The following DGKB variants were observed in gnomAD, a reference collection of about 807,000 sequenced individuals.
DGKB encodes the protein diacylglycerol kinase beta.
DGKB carries 67 observed loss-of-function variants against 114.3 expected under a neutral mutation model. The observed-to-expected ratio is 0.59, with a 90% confidence interval of 0.48 to 0.72. DGKB has a LOEUF of 0.72. DGKB is among the 30% of genes least tolerant of loss of function. The pLI, the probability that DGKB is intolerant of heterozygous loss-of-function variation, is 0.00. For synonymous variants in DGKB, 398 were observed against 323.1 expected (o/e 1.23, Z -2.49); for missense variants, 907 against 975.2 (o/e 0.93, Z 0.93).
At chr7:14,776,720 G>C (rs772435711) in intron 2 of DGKB, among the ~76,000 whole-genome samples, 13 of 152,256 alleles carry the variant, frequency 8.5e-5, no homozygotes, top group Non-Finnish European at 1.5e-4. Flanking sequence ...TGCAGAGCCA[G>C]AGCCCTCATG....
At chr7:14,212,799 A>G (rs1328110670) in intron 23 of DGKB, among the ~76,000 whole-genome samples, 1 of 152,118 alleles carries the variant, frequency 6.6e-6, no homozygotes, top group Non-Finnish European at 1.5e-5. Context: ...AAATTTCACC[A>G]CCATCCATCT....
chr7:14,416,218 G>A (rs1275696493), intron 21 of DGKB, among the ~76,000 whole-genome samples: 1 of 151,772 alleles, frequency 6.6e-6, no homozygotes, highest in Non-Finnish European at 1.5e-5. Context: ...CCATTCTGTA[G>A]GTTGCATATA....
intron 23 of DGKB, chr7:14,209,334 G>GAT: frequency 2.6e-6 from 1 of 385,200 alleles, no homozygotes. Flanking sequence ...TTCATAGAGA[G>GAT]ATATATACGA....
chr7:14,284,941 G>C (rs1359358809), intron 23 of DGKB, among the ~76,000 whole-genome samples: 1 of 151,420 alleles, frequency 6.6e-6, no homozygotes, highest in Non-Finnish European at 1.5e-5. Context: ...AAGCACACCA[G>C]CATGGCACAT....
At chr7:14,422,842 T>C (rs196757) in intron 21 of DGKB, among the ~76,000 whole-genome samples, 5 of 151,678 alleles carry the variant, frequency 3.3e-5, no homozygotes, top group Non-Finnish European at 5.9e-5. Context: ...CAAAGAATAC[T>C]AACAGCAAAC....
chr7:14,163,633 G>A lies in DGKB; in HGVS notation c.2304+13206C>T, dbSNP rs78128063. Among the ~76,000 whole-genome samples the A allele has an allele frequency of 4.6e-5, 7 of 152,282 alleles. No homozygotes were observed. In the East Asian group the frequency reaches 1.2e-3, roughly 25 times the overall value. ...CAAGAACAGCAGTCTGCTCATGCCA[G>A]TATGTTTCAAGGGGGCAGAAGACTA... On this transcript the variant is annotated intron_variant, in intron 25 of 25. Coordinates refer to ENST00000402815, the MANE Select transcript of DGKB (RefSeq NM_001350709.2).
intron 12 of DGKB, among the ~76,000 whole-genome samples, chr7:14,681,513 T>C (rs1820833683): frequency 6.6e-6 from 1 of 151,634 alleles, no homozygotes; most frequent in Non-Finnish European, 1.5e-5. Flanking sequence ...GGGTTGAGGG[T>C]GGGGCACTTG....
chr7:14,467,175 T>C (rs1357794162), intron 21 of DGKB, among the ~76,000 whole-genome samples: 2 of 149,574 alleles, frequency 1.3e-5, no homozygotes, highest in Non-Finnish European at 3.0e-5. Flanking sequence ...AATATATTTA[T>C]TTATATAATT....
At chr7:14,600,677 A>G (rs112438467) in intron 17 of DGKB, among the ~76,000 whole-genome samples, 4,220 of 152,272 alleles carry the variant, frequency 0.028, 209 homozygotes, top group African/African-American at 0.096. Context: ...GAAAGGAGTA[A>G]CAAGTCCCAA....
At chr7:14,313,995 C>A (rs1805957742) in intron 23 of DGKB, among the ~76,000 whole-genome samples, 1 of 152,226 alleles carries the variant, frequency 6.6e-6, no homozygotes, top group Admixed American at 6.5e-5. Context: ...AGCAGTTTAA[C>A]TGCGAGGCAC....
At chr7:14,929,344 C>T (rs1784891861) in intron 1 of DGKB, among the ~76,000 whole-genome samples, 1 of 152,018 alleles carries the variant, frequency 6.6e-6, no homozygotes, top group African/African-American at 2.4e-5. Context: ...AGTACTTTCC[C>T]ATCAACAGTG....
intron 20 of DGKB, among the ~76,000 whole-genome samples, chr7:14,509,558 C>T (rs1195611548): frequency 1.3e-5 from 2 of 152,222 alleles, no homozygotes; most frequent in Admixed American, 1.3e-4. Flanking sequence ...ACCGCCACTG[C>T]TATACATCTT....
chr7:14,729,885 T>A (rs971909847), intron 5 of DGKB, among the ~76,000 whole-genome samples: 1 of 152,218 alleles, frequency 6.6e-6, no homozygotes, highest in African/African-American at 2.4e-5. Flanking sequence ...ATAGGATGCA[T>A]GAATTAATGA....
rs76824427 is a variant in DGKB at position 14,565,780 on chromosome 7, G to C, written c.1770+8432C>G. ...TCATCTGTCTCTTATTTTACTAGAA[G>C]ATATTCTAGGATGGTCTCTTTGCTT... On this transcript the variant is annotated intron_variant, in intron 20 of 25. Transcript: ENST00000402815. Among the ~76,000 whole-genome samples the C allele has an allele frequency of 3.9e-3, 586 of 151,970 alleles. 4 individuals carry two copies. The highest frequency in any genetic ancestry group is 0.014 in the African/African-American group (565 of 41,446).
intron 19 of DGKB, 130 bp downstream of exon 19, chr7:14,580,732 A>G (rs1400087494): frequency 5.8e-6 from 3 of 514,788 alleles, no homozygotes; most frequent in South Asian, 1.0e-4. Flanking sequence ...TCAAAATCAT[A>G]TATTATATAT....
intron 20 of DGKB, among the ~76,000 whole-genome samples, chr7:14,508,697 A>G (rs28403419): frequency 0.018 from 2,797 of 152,256 alleles, 75 homozygotes; most frequent in African/African-American, 0.063. Context: ...ATAAGTTGAT[A>G]CTGAACTTCT....
At chr7:14,487,541 T>C (rs2128925005) in intron 20 of DGKB, among the ~76,000 whole-genome samples, 1 of 152,152 alleles carries the variant, frequency 6.6e-6, no homozygotes, top group African/African-American at 2.4e-5. Context: ...ACTGCCTAGA[T>C]TTCCATTTTA....
intron 13 of DGKB, among the ~76,000 whole-genome samples, chr7:14,656,311 G>C (rs2128912267): frequency 6.6e-6 from 1 of 151,550 alleles, no homozygotes; most frequent in South Asian, 2.1e-4. Flanking sequence ...GTACCTTCTA[G>C]ATATTATATA....
At chr7:14,597,498 G>A (rs569893199) in intron 17 of DGKB, among the ~76,000 whole-genome samples, 119 of 151,902 alleles carry the variant, frequency 7.8e-4, no homozygotes, top group Middle Eastern at 3.4e-3. Context: ...TCTGCTTTTC[G>A]GAGTGTGTTT....
Sources: allele counts gnomAD v4.1 joint callset (sites outside exome capture counted in the v4.1 genomes callset), GRCh38; gene constraint gnomAD v4.1.1; transcripts MANE v1.5; gene names NCBI Gene and HGNC (gene_info 2026-07-23, HGNC 2026-07-21).